Variants in ITPR1 observed in about 807,000 individuals in gnomAD.
The protein encoded by ITPR1 is inositol 1,4,5-trisphosphate receptor type 1.
ITPR1 carries 96 observed loss-of-function variants against 318.4 expected under a neutral mutation model. The observed-to-expected ratio is 0.30, with a 90% CI of 0.26 to 0.36. The LOEUF is 0.36. Among genes scored for constraint, ITPR1 ranks in the 10% least tolerant of loss-of-function variants. The pLI is 1.00. For missense variants in ITPR1, 2,440 were observed against 3,460.2 expected, an observed-to-expected ratio of 0.71 and a Z score of 7.40; for synonymous variants, 1,312 against 1,289.9, an observed-to-expected ratio of 1.02 and a Z score of -0.37.
At chr3:4,626,783 C>A (rs930239033) in intron 4 of ITPR1, among the ~76,000 whole-genome samples, 1 of 152,108 alleles carries the variant, frequency 6.6e-6, no homozygotes, top group Non-Finnish European at 1.5e-5. Context: ...ACTCAAGAGA[C>A]CACTGCCCTA....
rs1480126073 is a variant in ITPR1 at position 4,683,559 on chromosome 3, A to G, written c.3327+8A>G. ...CTCCAGGCCTTCAAACAGGTAGCTC[A>G]GGTCACCCACGTGTGTGTTGTCTGT... On this transcript the variant is annotated splice_region_variant and intron_variant, in intron 27 of 61. Transcript: ENST00000649015. 1.9e-6 allele frequency: 3 copies of G among 1,613,428 alleles called. No individual in the cohort carries two copies. The highest frequency in any genetic ancestry group is 2.7e-5 in the African/African-American group (2 of 74,946).
chr3:4,567,608 T>TG (rs1429035255), intron 4 of ITPR1, among the ~76,000 whole-genome samples: 2 of 140,542 alleles, frequency 1.4e-5, no homozygotes, highest in Non-Finnish European at 3.1e-5. Context: ...AGCTAGTTTT[T>TG]TTTGGTTTCT....
chr3:4,846,897 G>GCTT lies in ITPR1; in HGVS notation c.*675_*677dup, dbSNP rs2051819925. 6.6e-6 allele frequency: 1 copy of GCTT among 152,574 alleles called. No individual in the cohort carries two copies. Among genetic ancestry groups the GCTT allele is most frequent in the African/African-American group, 2.4e-5 (1 of 41,442 alleles). 9.5% of individuals were successfully genotyped at this position (152,574 alleles called of 1,614,324 possible). On this transcript the variant is annotated 3_prime_UTR_variant, in exon 62 of 62. Transcript: ENST00000649015. Reference sequence around the variant, plus strand: ...ACTTTAGTTTCAAAGATACTTTTAAGCTTCTAAATTGATCATTTAAACTAT... The same window carrying GCTT: ...ACTTTAGTTTCAAAGATACTTTTAAGCTTCTTCTAAATTGATCATTTAAACTAT...
At chr3:4,597,820 C>A (rs1453854217) in intron 4 of ITPR1, among the ~76,000 whole-genome samples, 2 of 152,190 alleles carry the variant, frequency 1.3e-5, no homozygotes, top group East Asian at 3.8e-4. Flanking sequence ...GCAGACCATT[C>A]CTGGCTGTCT....
At chr3:4,627,561 CT>C in intron 4 of ITPR1, among the ~76,000 whole-genome samples, 1 of 148,102 alleles carries the variant, frequency 6.8e-6, no homozygotes. Context: ...AATCGACTCA[CT>C]TTCTTTAAGC....
chr3:4,540,290 G>T (rs1448433938), intron 4 of ITPR1, among the ~76,000 whole-genome samples: 3 of 151,996 alleles, frequency 2.0e-5, no homozygotes, highest in Non-Finnish European at 4.4e-5. Context: ...TGTTTTGTCT[G>T]ATATTAATAT....
chr3:4,764,947 TGGA>T (rs1490473490), intron 44 of ITPR1, among the ~76,000 whole-genome samples: 1 of 3,176 alleles, frequency 3.1e-4, no homozygotes, highest in Non-Finnish European at 1.3e-3. Flanking sequence ...AGTGGGTGGC[TGGA>T]TGGATGGATG....
intron 53 of ITPR1, chr3:4,800,020 A>C: frequency 6.0e-6 from 1 of 167,164 alleles, no homozygotes; most frequent in Non-Finnish European, 1.3e-5. Context: ...CCCCTGGGGA[A>C]TGTGCAATCT....
intron 5 of ITPR1, among the ~76,000 whole-genome samples, chr3:4,632,029 A>G (rs1219075404): frequency 6.6e-6 from 1 of 152,224 alleles, no homozygotes; most frequent in African/African-American, 2.4e-5. Flanking sequence ...TCATCCTTGC[A>G]TAGGATTGTA....
chr3:4,809,747 C>G (rs887285129), intron 55 of ITPR1, among the ~76,000 whole-genome samples: 4 of 152,170 alleles, frequency 2.6e-5, no homozygotes, highest in Non-Finnish European at 5.9e-5. Context: ...CTTGTCATTT[C>G]TATGATTTGG....
intron 4 of ITPR1, among the ~76,000 whole-genome samples, chr3:4,594,458 A>G (rs1381545580): frequency 1.3e-5 from 2 of 152,106 alleles, no homozygotes; most frequent in Non-Finnish European, 2.9e-5. Context: ...ATTCGTTTTT[A>G]TCTTAGGTAA....
chr3:4,792,097 C>A (rs2047593530), intron 52 of ITPR1, among the ~76,000 whole-genome samples: 2 of 152,204 alleles, frequency 1.3e-5, no homozygotes, highest in African/African-American at 2.4e-5. Context: ...ACCTTCAAAG[C>A]AGCATTGTTC....
chr3:4,612,100 C>G (rs536305601), intron 4 of ITPR1, among the ~76,000 whole-genome samples: 19 of 121,096 alleles, frequency 1.6e-4, no homozygotes, highest in African/African-American at 5.2e-4. Flanking sequence ...GAGTCTCACT[C>G]TGTCACCCAG....
intron 10 of ITPR1, among the ~76,000 whole-genome samples, chr3:4,651,098 G>T (rs2093587936): frequency 6.6e-6 from 1 of 152,108 alleles, no homozygotes; most frequent in Non-Finnish European, 1.5e-5. Context: ...TAACGCACAG[G>T]GTGTTCCACA....
chr3:4,696,813 A>G (rs2094566753), intron 33 of ITPR1, among the ~76,000 whole-genome samples: 1 of 151,666 alleles, frequency 6.6e-6, no homozygotes, highest in African/African-American at 2.4e-5. Flanking sequence ...CCTTGCAGAT[A>G]TCTTGTCCCA....
At chr3:4,658,663 A>C (rs189859962) in intron 13 of ITPR1, among the ~76,000 whole-genome samples, 1 of 151,940 alleles carries the variant, frequency 6.6e-6, no homozygotes, top group African/African-American at 2.4e-5. Flanking sequence ...AAGAAATTCT[A>C]CAAGATAAAA....
intron 4 of ITPR1, among the ~76,000 whole-genome samples, chr3:4,527,796 T>C (rs1029857064): frequency 6.6e-5 from 10 of 152,198 alleles, no homozygotes; most frequent in African/African-American, 2.4e-4. Context: ...TGTGGCCTTT[T>C]TATTTTTATT....
At chr3:4,731,742 C>T (rs77052686) in intron 42 of ITPR1, among the ~76,000 whole-genome samples, 2,004 of 152,232 alleles carry the variant, frequency 0.013, 53 homozygotes, top group African/African-American at 0.043. Context: ...TCCTTGGTCC[C>T]CCACTTCTCC....
At chr3:4,674,397 T>C (rs2094145341) in intron 22 of ITPR1, 54 bp downstream of exon 22, 1 of 1,461,616 alleles carries the variant, frequency 6.8e-7, no homozygotes. Context: ...GTGGTCATTT[T>C]TCTATGGGGC....
Sources: gnomAD v4.1 joint callset for allele counts (sites outside exome capture counted in the v4.1 genomes callset) on GRCh38, gnomAD v4.1.1 for gene constraint, MANE v1.5 for transcripts, NCBI Gene and HGNC (gene_info 2026-07-23, HGNC 2026-07-21) for gene names.